Variants in BZW2 observed in about 807,000 individuals in gnomAD.
The protein encoded by BZW2 is eIF5-mimic protein 1.
BZW2 carries 23 observed loss-of-function variants against 53.2 expected under a neutral mutation model. The ratio of observed to expected loss-of-function variants is 0.43; its 90% CI spans 0.31 to 0.61. BZW2 has a LOEUF of 0.61. Ranked by LOEUF, BZW2 falls within the 20% of genes least tolerant of loss-of-function variation. The pLI, the probability that BZW2 is intolerant of heterozygous loss-of-function variation, is 0.09. For synonymous variants in BZW2, 227 were observed against 186.4 expected, an observed-to-expected ratio of 1.22 and a Z score of -1.77; for missense variants, 409 against 503.1, an observed-to-expected ratio of 0.81 and a Z score of 1.79.
chr7:16,652,008 T>C (rs1344542182), intron 1 of BZW2, among the ~76,000 whole-genome samples: 1 of 152,186 alleles, frequency 6.6e-6, no homozygotes, highest in Non-Finnish European at 1.5e-5. Context: ...CCTTGGAAAA[T>C]GCACTGAGTG....
chr7:16,697,896 C>T (rs1406240197), intron 9 of BZW2, 152 bp from the exon 10 acceptor site: 1 of 868,434 alleles, frequency 1.2e-6, no homozygotes, highest in Non-Finnish European at 1.7e-6. Flanking sequence ...CTGTTCCCCT[C>T]ACCCCATTGG....
chr7:16,695,419 G>A (rs1354137741), intron 8 of BZW2, among the ~76,000 whole-genome samples: 1 of 152,188 alleles, frequency 6.6e-6, no homozygotes, highest in Non-Finnish European at 1.5e-5. Context: ...CACTCTGTAT[G>A]AATATGTAAC....
chr7:16,679,348 C>G (rs1325363444), intron 3 of BZW2, among the ~76,000 whole-genome samples: 2 of 152,204 alleles, frequency 1.3e-5, no homozygotes, highest in Non-Finnish European at 2.9e-5. Context: ...TCTGCCGTGG[C>G]TTCAGCCGGT....
Position 16,694,936 on chromosome 7 carries a change from C to T in BZW2, c.754C>T (p.Leu252=). The change falls in exon 8 of 12, where the codon CTG becomes TTG. Residue 252 remains leucine, a synonymous_variant. Coordinates refer to ENST00000258761, the MANE Select transcript of BZW2 (RefSeq NM_014038.3). ...LSDFLRVQQS[L]GTRKELQKEL... ...CGACTTCCTCCGAGTCCAGCAGTCC[C>T]TGGGCACCAGGAAGGAACTGCAGAA... The T allele has an allele frequency of 1.3e-6, 2 of 1,598,068 alleles. No individual in the cohort carries two copies. Among genetic ancestry groups the T allele is most frequent in the Non-Finnish European group, 1.7e-6 (2 of 1,167,486 alleles).
At chr7:16,697,879 T>A in intron 9 of BZW2, 169 bp from the exon 10 acceptor site, 2 of 726,914 alleles carry the variant, frequency 2.8e-6, no homozygotes, top group Non-Finnish European at 4.4e-6. Flanking sequence ...GCTTTGTTCC[T>A]ACTGTTCTGT....
intron 2 of BZW2, among the ~76,000 whole-genome samples, chr7:16,666,357 G>A (rs1178213439): frequency 2.0e-5 from 3 of 151,658 alleles, no homozygotes; most frequent in Admixed American, 6.6e-5. Flanking sequence ...GATTGTGGAT[G>A]TGAGCCACTG....
chr7:16,653,497 G>A (rs818586), intron 1 of BZW2, among the ~76,000 whole-genome samples: 1 of 151,652 alleles, frequency 6.6e-6, no homozygotes, highest in Non-Finnish European at 1.5e-5. Context: ...TTCATCTCCT[G>A]GTTCTCCTCA....
At chr7:16,672,364 T>A (rs1470846026) in intron 2 of BZW2, among the ~76,000 whole-genome samples, 1 of 152,156 alleles carries the variant, frequency 6.6e-6, no homozygotes, top group African/African-American at 2.4e-5. Context: ...TGACCTTTTT[T>A]CTATTTTCTG....
At chr7:16,697,934 TCCTGAAAGTCAGTCTTTTCTAAGCAA>T (rs1783550911) in intron 9 of BZW2, 88 bp from the exon 10 acceptor site, 5 of 1,314,042 alleles carry the variant, frequency 3.8e-6, no homozygotes, top group Non-Finnish European at 5.3e-6. Context: ...AAGGTGTCAA[TCCTGAAAGTCAGTCTTTTCTAAGCAA>T]CCCTCCAGGT....
At chr7:16,698,330 C>A in intron 10 of BZW2, 144 bp downstream of exon 10, 1 of 1,113,958 alleles carries the variant, frequency 9.0e-7, no homozygotes, top group Non-Finnish European at 1.3e-6. Flanking sequence ...TTTATTGAGG[C>A]AACCATACCA....
At chr7:16,656,139 A>G (rs1364829834) in intron 1 of BZW2, among the ~76,000 whole-genome samples, 1 of 148,806 alleles carries the variant, frequency 6.7e-6, no homozygotes. Flanking sequence ...ATAAATGACT[A>G]TATATATATA....
chr7:16,682,508 T>C (rs1190455676), intron 4 of BZW2, among the ~76,000 whole-genome samples: 1 of 152,218 alleles, frequency 6.6e-6, no homozygotes, highest in East Asian at 1.9e-4. Context: ...AGTTTAAAAA[T>C]CACATTTATT....
intron 7 of BZW2, among the ~76,000 whole-genome samples, chr7:16,692,624 C>T (rs745844242): frequency 7.9e-5 from 12 of 151,886 alleles, no homozygotes; most frequent in Non-Finnish European, 1.0e-4. Context: ...ATTAGCCGGG[C>T]GTGATGGTGC....
At chr7:16,672,781 A>G (rs979586666) in intron 2 of BZW2, among the ~76,000 whole-genome samples, 14 of 152,146 alleles carry the variant, frequency 9.2e-5, no homozygotes, top group Non-Finnish European at 1.3e-4. Context: ...CTCCAAGTCG[A>G]CCTTCCACAA....
intron 3 of BZW2, among the ~76,000 whole-genome samples, chr7:16,675,682 A>G (rs937878802): frequency 6.6e-6 from 1 of 152,150 alleles, no homozygotes; most frequent in Non-Finnish European, 1.5e-5. Flanking sequence ...TTACATTATG[A>G]CTGTAAATAA....
intron 11 of BZW2, among the ~76,000 whole-genome samples, chr7:16,705,577 C>T (rs1292457457): frequency 6.8e-6 from 1 of 147,898 alleles, no homozygotes; most frequent in Non-Finnish European, 1.5e-5. Flanking sequence ...CACAGCTACT[C>T]GGGAGGCTGA....
rs534519628 is a variant in BZW2, at chr7:16,702,236, C to A, written c.1109-2311C>A. On this transcript the variant is annotated intron_variant, in intron 10 of 11. Transcript: ENST00000258761. ...TCAAGGAGTTCCTTCCTTTTCAGAC[C>A]TTTCCTTTCACTAAATAGAAGTTTA... Among the ~76,000 whole-genome samples, 4 of 152,142 alleles carry A rather than the reference C, an allele frequency of 2.6e-5. No homozygotes were observed. In the South Asian group the frequency reaches 8.3e-4, roughly 32 times the overall value.
At chr7:16,655,594 A>G (rs143050013) in intron 1 of BZW2, among the ~76,000 whole-genome samples, 2,394 of 152,228 alleles carry the variant, frequency 0.016, 47 homozygotes, top group African/African-American at 0.053. Flanking sequence ...TAATAACTCT[A>G]TTGTGCAATA....
intron 1 of BZW2, among the ~76,000 whole-genome samples, chr7:16,660,179 G>T (rs947620596): frequency 2.0e-5 from 3 of 151,724 alleles, no homozygotes; most frequent in African/African-American, 7.3e-5. Flanking sequence ...TTTTTATGTT[G>T]TTGCCCTATA....
Sources: gnomAD v4.1 joint callset for allele counts (sites outside exome capture counted in the v4.1 genomes callset) on GRCh38, gnomAD v4.1.1 for gene constraint, MANE v1.5 for transcripts, NCBI Gene and HGNC (gene_info 2026-07-23, HGNC 2026-07-21) for gene names.